ABHD2: variants seen among roughly 807,000 people sequenced by gnomAD.
ABHD2 encodes abhydrolase domain containing 2, acylglycerol lipase, also known as monoacylglycerol lipase ABHD2.
In ABHD2, 20 loss-of-function variants were observed where a neutral mutation model predicts 48.1. That is an observed-to-expected ratio of 0.42 (90% CI 0.29 to 0.60). The LOEUF is 0.60. Ranked by LOEUF, ABHD2 falls within the 20% of genes least tolerant of loss-of-function variation. The pLI is 0.24. For synonymous variants in ABHD2, 209 were observed against 214.2 expected (o/e 0.98, Z 0.21); for missense variants, 405 against 550.9 (o/e 0.74, Z 2.65).
chr15:89,122,873 G>T, intron 3 of ABHD2, among the ~76,000 whole-genome samples: 1 of 152,206 alleles, frequency 6.6e-6, no homozygotes, highest in East Asian at 1.9e-4. Flanking sequence ...TGTGATGGAG[G>T]ACTTGGCTAA....
chr15:89,071,451 T>C, the ABHD2 span, among the ~76,000 whole-genome samples: 1 of 152,262 alleles, frequency 6.6e-6, no homozygotes, highest in East Asian at 1.9e-4. Flanking sequence ...AGGGTTTTAT[T>C]TGGGGCTTAC....
chr15:89,108,070 T>C (rs2049815391), intron 1 of ABHD2, among the ~76,000 whole-genome samples: 1 of 152,188 alleles, frequency 6.6e-6, no homozygotes, highest in Non-Finnish European at 1.5e-5. Flanking sequence ...TCTGAATTGA[T>C]GGGAGCGTGT....
chr15:89,188,229 G>T lies in ABHD2; in HGVS notation c.852G>T (p.Gln284His), dbSNP rs760058843. ...TTGGAGACCATGTTAAGAAACCCCA[G>T]AGCCTGGAAGACACGGACTTGAGCC... The part of the protein sequence containing the change: ...ALFGDHVKKP[Q>H]SLEDTDLSRL... Residue 284 changes from glutamine to histidine, a missense_variant, in exon 8 of 11, where the codon CAG (glutamine) becomes CAT (histidine). Gln to His is a conservative substitution (Grantham distance 24, BLOSUM62 0). Coordinates refer to ENST00000352732, the MANE Select transcript of ABHD2 (RefSeq NM_152924.5). This position sits in a 1 kb window ranked among gnomAD's most constrained non-coding sequence, Gnocchi z 4.1. 2 of 1,614,188 alleles carry T rather than the reference G, an allele frequency of 1.2e-6. No individual in the cohort carries two copies. The highest frequency in any genetic ancestry group is 8.5e-7 in the Non-Finnish European group (1 of 1,180,034).
At chr15:89,070,985 G>A in the ABHD2 span, among the ~76,000 whole-genome samples, 2 of 151,814 alleles carry the variant, frequency 1.3e-5, no homozygotes, top group African/African-American at 4.8e-5. Flanking sequence ...TGTGCCCCCC[G>A]CTTGCTCTCT....
intron 1 of ABHD2, among the ~76,000 whole-genome samples, chr15:89,101,440 A>G (rs1233006689): frequency 1.3e-5 from 2 of 152,198 alleles, no homozygotes; most frequent in Non-Finnish European, 2.9e-5. Context: ...AAAGGCCTGT[A>G]CCTCTCCGCC....
chr15:89,195,483 C>T lies in ABHD2; in HGVS notation c.*60C>T, dbSNP rs2051386464. The T allele has an allele frequency of 5.2e-6, 8 of 1,547,862 alleles. No homozygotes were observed. The highest frequency in any genetic ancestry group is 1.2e-5 in the South Asian group (1 of 82,616). On this transcript the variant is annotated 3_prime_UTR_variant, in exon 11 of 11. Transcript: ENST00000352732. This position sits in a 1 kb window ranked among gnomAD's most constrained non-coding sequence, Gnocchi z 5.1. ...CTCTGGAAGCTGCGTCCCCTCACCC[C>T]CTGTTTCAGGTCTCCCATCTCCCTC...
chr15:89,148,996 A>G (rs1343344893), intron 3 of ABHD2, among the ~76,000 whole-genome samples: 3 of 152,170 alleles, frequency 2.0e-5, no homozygotes, highest in South Asian at 2.1e-4. Context: ...GATAAGTTAT[A>G]TAAACAAACA....
chr15:89,183,431 A>G (rs1304724483), intron 6 of ABHD2: 1 of 138,438 alleles, frequency 7.2e-6, no homozygotes, highest in Non-Finnish European at 1.5e-5. Context: ...TGAATGTAAT[A>G]CATTGATCTT....
At chr15:89,144,313 A>G (rs557629950) in intron 3 of ABHD2, among the ~76,000 whole-genome samples, 1 of 152,170 alleles carries the variant, frequency 6.6e-6, no homozygotes, top group African/African-American at 2.4e-5. Context: ...TTGTATTTTT[A>G]GTAGGGATGG....
chr15:89,109,576 G>T (rs2049841674), intron 1 of ABHD2, among the ~76,000 whole-genome samples: 1 of 151,970 alleles, frequency 6.6e-6, no homozygotes, highest in South Asian at 2.1e-4. Flanking sequence ...ATTTTAACTG[G>T]ATTTCACCTG....
At chr15:89,076,922 G>C in the ABHD2 span, among the ~76,000 whole-genome samples, 1 of 152,166 alleles carries the variant, frequency 6.6e-6, no homozygotes, top group African/African-American at 2.4e-5. Context: ...AAAGACCCTT[G>C]TTCTCTGGAT....
intron 3 of ABHD2, among the ~76,000 whole-genome samples, chr15:89,127,731 A>ATATATATATATATATATC: frequency 6.9e-6 from 1 of 144,852 alleles, no homozygotes; most frequent in Admixed American, 6.8e-5. Flanking sequence ...ACATATATAT[A>ATATATATATATATATATC]TATATATATG....
In ABHD2 at chr15:89,102,871, G is replaced by A. The variant is rs1265087612; in HGVS notation, c.-106-10854G>A. On this transcript the variant is annotated intron_variant, in intron 1 of 10. Coordinates refer to ENST00000352732, the MANE Select transcript of ABHD2 (RefSeq NM_152924.5). The surrounding 1 kb of genome is among the most constrained non-coding windows in gnomAD (Gnocchi z 4.8). ...AAAAACCCAAAGGAAGAAGGCTGCT[G>A]GTAGGCTAGGGGTGGCAGGTGGGAT... Among the ~76,000 whole-genome samples, 3 of 152,256 alleles carry A rather than the reference G, an allele frequency of 2.0e-5. No homozygotes were observed. The highest frequency in any genetic ancestry group is 4.4e-5 in the Non-Finnish European group (3 of 68,038).
rs1001472941 is a variant in ABHD2, at chr15:89,104,123, C to T, written c.-106-9602C>T. The T allele has an allele frequency of 1.3e-5, 2 of 152,224 alleles. No homozygotes were observed. The highest frequency in any genetic ancestry group is 1.9e-4 in the East Asian group (1 of 5,190). 9.4% of individuals were successfully genotyped at this position (152,224 alleles called of 1,614,324 possible). A position where few individuals can be genotyped will look rare whatever the true frequency, so the allele number is the denominator to read the frequency against. On this transcript the variant is annotated intron_variant, in intron 1 of 10. Transcript: ENST00000352732. This position sits in a 1 kb window ranked among gnomAD's most constrained non-coding sequence, Gnocchi z 4.4. ...TGTACTGTTGCCCCCAGAACCTTCTCTTGGTCTTGGAGGGCAAGGATCACA... is the reference window on the plus strand; with the variant it reads ...TGTACTGTTGCCCCCAGAACCTTCTTTTGGTCTTGGAGGGCAAGGATCACA...
the ABHD2 span, among the ~76,000 whole-genome samples, chr15:89,063,841 C>T: frequency 6.6e-6 from 1 of 152,086 alleles, no homozygotes; most frequent in African/African-American, 2.4e-5. Context: ...AATTTTTCCA[C>T]GGACAGGGTG....
At chr15:89,078,235 T>A in the ABHD2 span, among the ~76,000 whole-genome samples, 2 of 152,308 alleles carry the variant, frequency 1.3e-5, no homozygotes, top group African/African-American at 4.8e-5. Context: ...TAACCTGTTA[T>A]CTCTTCTACC....
Position 89,201,716 on chromosome 15 carries a change from G to A in ABHD2, c.*6293G>A. On this transcript the variant is annotated 3_prime_UTR_variant, in exon 11 of 11. Transcript: ENST00000352732. ...TAAGATTTGTAGTGACTACATCTGT[G>A]AAGGGGCCTTTGAATTTGAGGTCTA... 6.2e-7 allele frequency: 1 copy of A among 1,606,046 alleles called. No homozygotes were observed. The highest frequency in any genetic ancestry group is 8.5e-7 in the Non-Finnish European group (1 of 1,172,718).
chr15:89,135,544 TATTC>T (rs1211567861), intron 3 of ABHD2: 22 of 1,409,530 alleles, frequency 1.6e-5, no homozygotes, highest in East Asian at 4.6e-5. Context: ...AGAACCAACT[TATTC>T]ATCATCATCT....
Position 89,186,371 on chromosome 15 carries a change from A to ATTATTATTATTGCTGACATCTCTGC in ABHD2, c.815+855_815+856insTTATTATTATTGCTGACATCTCTGC, listed in dbSNP as rs2051210229. On this transcript the variant is annotated intron_variant, in intron 7 of 10. Transcript: ENST00000352732. The surrounding 1 kb of genome is among the most constrained non-coding windows in gnomAD (Gnocchi z 4.3). ...TAGCACCAGATAAATATTAGCAATGACTTTTTCATTATGATTATTATTATT... is the reference window on the plus strand; with the variant it reads ...TAGCACCAGATAAATATTAGCAATGATTATTATTATTGCTGACATCTCTGCCTTTTTCATTATGATTATTATTATT... Among the ~76,000 whole-genome samples, 3 of 152,132 alleles carry ATTATTATTATTGCTGACATCTCTGC rather than the reference A, an allele frequency of 2.0e-5. No individual in the cohort carries two copies. Among genetic ancestry groups the ATTATTATTATTGCTGACATCTCTGC allele is most frequent in the Non-Finnish European group, 2.9e-5 (2 of 68,030 alleles).
Sources: gnomAD v4.1 joint callset for allele counts (sites outside exome capture counted in the v4.1 genomes callset) on GRCh38, gnomAD v4.1.1 for gene constraint, Gnocchi (gnomAD v3.1) non-coding constraint, MANE v1.5 for transcripts, NCBI Gene and HGNC (gene_info 2026-07-23, HGNC 2026-07-21) for gene names.